The following PLCB1 variants were observed in gnomAD, a reference collection of about 807,000 sequenced individuals.
The protein encoded by PLCB1 is 1-phosphatidylinositol 4,5-bisphosphate phosphodiesterase beta-1.
Under a neutral mutation model 161.8 loss-of-function variants are expected in PLCB1, and 46 were observed. The observed-to-expected ratio is 0.28, with a 90% CI of 0.22 to 0.36. The LOEUF (loss-of-function observed/expected upper bound fraction) is 0.36, where lower values mean the gene tolerates loss of function less well. Ranked by LOEUF, PLCB1 falls within the 10% of genes least tolerant of loss-of-function variation. PLCB1 has a pLI of 1.00. For missense variants in PLCB1, 1,016 were observed against 1,472.5 expected, an observed-to-expected ratio of 0.69 and a Z score of 5.07; for synonymous variants, 517 against 503.7, an observed-to-expected ratio of 1.03 and a Z score of -0.35.
At chr20:8,238,103 T>C (rs796503428) in intron 2 of PLCB1, among the ~76,000 whole-genome samples, 2 of 152,156 alleles carry the variant, frequency 1.3e-5, no homozygotes, top group African/African-American at 4.8e-5. Flanking sequence ...CTGTAGGAGT[T>C]AGAGAGGTGA....
chr20:8,421,981 A>T (rs1600389994), intron 3 of PLCB1, among the ~76,000 whole-genome samples: 1 of 152,250 alleles, frequency 6.6e-6, no homozygotes, highest in East Asian at 1.9e-4. Context: ...CACAGCATTT[A>T]AGCAATATTA....
intron 31 of PLCB1, among the ~76,000 whole-genome samples, chr20:8,825,225 G>C (rs555383887): frequency 8.5e-5 from 13 of 152,198 alleles, no homozygotes; most frequent in Non-Finnish European, 1.5e-4. Flanking sequence ...ATAAACAAAT[G>C]ATCTCCTGAA....
At chr20:8,469,201 C>T (rs1272793182) in intron 3 of PLCB1, among the ~76,000 whole-genome samples, 2 of 152,084 alleles carry the variant, frequency 1.3e-5, no homozygotes, top group African/African-American at 2.4e-5. Flanking sequence ...ATAATAGAAG[C>T]CTCCCTAAGG....
intron 2 of PLCB1, among the ~76,000 whole-genome samples, chr20:8,221,065 C>T (rs904038568): frequency 2.4e-4 from 36 of 152,094 alleles, no homozygotes; most frequent in African/African-American, 7.7e-4. Flanking sequence ...CATATCCAGT[C>T]CATTAGTTGA....
intron 2 of PLCB1, among the ~76,000 whole-genome samples, chr20:8,201,375 T>C (rs1455642308): frequency 6.6e-6 from 1 of 152,090 alleles, no homozygotes; most frequent in Non-Finnish European, 1.5e-5. Context: ...TCTCCATGTA[T>C]GTAATCAAAA....
intron 2 of PLCB1, among the ~76,000 whole-genome samples, chr20:8,351,940 A>G (rs920608642): frequency 2.0e-5 from 3 of 152,140 alleles, no homozygotes; most frequent in Non-Finnish European, 4.4e-5. Flanking sequence ...GCAGTTTCTT[A>G]TAAAACTAAA....
At chr20:8,738,492 C>CT (rs1311247641) in intron 20 of PLCB1, among the ~76,000 whole-genome samples, 1 of 151,944 alleles carries the variant, frequency 6.6e-6, no homozygotes, top group East Asian at 1.9e-4. Context: ...CACATGTATG[C>CT]ATATGTAACT....
intron 3 of PLCB1, among the ~76,000 whole-genome samples, chr20:8,626,233 TCAAA>T (rs1219093326): frequency 6.6e-6 from 1 of 151,774 alleles, no homozygotes; most frequent in East Asian, 1.9e-4. Context: ...GGGAAACTTT[TCAAA>T]CAAAGATTTC....
chr20:8,693,593 A>C (rs1296359828), intron 10 of PLCB1, among the ~76,000 whole-genome samples: 1 of 152,244 alleles, frequency 6.6e-6, no homozygotes, highest in East Asian at 1.9e-4. Context: ...GAAGAAGGCC[A>C]CTGAATTAAC....
chr20:8,524,498 A>C (rs1233513730), intron 3 of PLCB1, among the ~76,000 whole-genome samples: 1 of 152,172 alleles, frequency 6.6e-6, no homozygotes, highest in Non-Finnish European at 1.5e-5. Context: ...ATAACCTTGT[A>C]AACGTGTCTT....
At chr20:8,639,134 C>T (rs1988862234) in intron 4 of PLCB1, among the ~76,000 whole-genome samples, 1 of 152,112 alleles carries the variant, frequency 6.6e-6, no homozygotes, top group Non-Finnish European at 1.5e-5. Flanking sequence ...TGCAAAGGTG[C>T]AGTGGGCAGC....
At chr20:8,319,341 G>A (rs1251133008) in intron 2 of PLCB1, among the ~76,000 whole-genome samples, 1 of 152,086 alleles carries the variant, frequency 6.6e-6, no homozygotes, top group Non-Finnish European at 1.5e-5. Flanking sequence ...TCACTCATAT[G>A]TCTGGCGAGT....
intron 23 of PLCB1, among the ~76,000 whole-genome samples, chr20:8,753,335 A>C (rs1981580185): frequency 6.6e-6 from 1 of 152,178 alleles, no homozygotes; most frequent in South Asian, 2.1e-4. Context: ...CCCCTGGTCC[A>C]TGAAAAAATT....
At chr20:8,155,059 A>G (rs759749930) in intron 2 of PLCB1, among the ~76,000 whole-genome samples, 4 of 152,064 alleles carry the variant, frequency 2.6e-5, no homozygotes, top group African/African-American at 4.8e-5. Context: ...TCTAACTTCA[A>G]TTTCTTCATA....
intron 2 of PLCB1, chr20:8,306,285 T>C (rs1984134509): frequency 6.6e-6 from 1 of 152,170 alleles, no homozygotes; most frequent in Non-Finnish European, 1.5e-5. Context: ...TCTTCAACTT[T>C]TCCTCTCCAT....
At chr20:8,600,545 G>C (rs1987529100) in intron 3 of PLCB1, among the ~76,000 whole-genome samples, 1 of 150,444 alleles carries the variant, frequency 6.6e-6, no homozygotes, top group African/African-American at 2.5e-5. Flanking sequence ...GGTTACTGCT[G>C]TCTTTTTGTT....
chr20:8,539,693 T>TCC (rs1555768779), intron 3 of PLCB1, among the ~76,000 whole-genome samples: 1 of 101,082 alleles, frequency 9.9e-6, no homozygotes, highest in Non-Finnish European at 2.1e-5. Context: ...TCTTTTTCTT[T>TCC]TTCCTTCCTT....
At chr20:8,539,636 CTTT>C (rs1344062579) in intron 3 of PLCB1, among the ~76,000 whole-genome samples, 34 of 79,010 alleles carry the variant, frequency 4.3e-4, no homozygotes, top group African/African-American at 1.5e-3. Context: ...TTCTTTCTTT[CTTT>C]CTTTCTTTCT....
chr20:8,686,233 T>C (rs6056007), intron 10 of PLCB1, among the ~76,000 whole-genome samples: 100,133 of 152,058 alleles, frequency 0.66, 34,039 homozygotes, highest in South Asian at 0.78. Flanking sequence ...AGGAGGTTCA[T>C]GGAATATCAC....
Sources: gnomAD v4.1 joint callset for allele counts (sites outside exome capture counted in the v4.1 genomes callset) on GRCh38, gnomAD v4.1.1 for gene constraint, MANE v1.5 for transcripts, NCBI Gene and HGNC (gene_info 2026-07-23, HGNC 2026-07-21) for gene names.